Variants in SART1 observed in about 807,000 individuals in gnomAD.
The protein encoded by SART1 is U4/U6.U5 tri-snRNP-associated protein 1.
In SART1, 28 loss-of-function variants were observed where a neutral mutation model predicts 105.0. That is an observed-to-expected ratio of 0.27 (90% CI 0.20 to 0.37). The LOEUF is 0.37. SART1 is among the 10% of genes least tolerant of loss of function. SART1 has a pLI of 1.00. For synonymous variants in SART1, 472 were observed against 462.9 expected (o/e 1.02, Z -0.25); for missense variants, 894 against 1,106.5 (o/e 0.81, Z 2.72).
Position 65,966,383 on chromosome 11 carries a change from G to C in SART1, c.1015G>C (p.Glu339Gln). The C allele has an allele frequency of 6.2e-7, 1 of 1,613,996 alleles. No homozygotes were observed. The highest frequency in any genetic ancestry group is 8.5e-7 in the Non-Finnish European group (1 of 1,180,036). The change falls in exon 9 of 20, where the codon GAA (glutamate) becomes CAA (glutamine). Residue 339 changes from glutamate (E) to glutamine (Q), a missense_variant. Physicochemically the swap from Glu to Gln is conservative, Grantham distance 29. Around this residue, in one of 2 missense-constraint regions of SART1, gnomAD observed 712 missense variants for 778.2 expected, o/e 0.91. Coordinates refer to ENST00000312397, the MANE Select transcript of SART1 (RefSeq NM_005146.5). ...TCGCTCTATCCTGTCCAAGTATGACGAAGAGCTTGAAGGGGAGCGGCCACA... is the reference window on the plus strand; with the variant it reads ...TCGCTCTATCCTGTCCAAGTATGACCAAGAGCTTGAAGGGGAGCGGCCACA... ...KPRSILSKYD[E>Q]ELEGERPHSF...
At chr11:65,964,632 A>G in intron 3 of SART1, 62 bp downstream of exon 3, 2 of 1,541,164 alleles carry the variant, frequency 1.3e-6, no homozygotes, top group Non-Finnish European at 1.8e-6. Flanking sequence ...GTCTTTGAAG[A>G]AGGTGGGGTT....
rs996602988 is a variant in SART1, at chr11:65,976,324, T to G, written c.1573-71T>G. On this transcript the variant is annotated intron_variant, in intron 12 of 19. Coordinates refer to ENST00000312397, the MANE Select transcript of SART1 (RefSeq NM_005146.5). The surrounding 1 kb of genome is among the most constrained non-coding windows in gnomAD (Gnocchi z 5.1). Reference sequence around the variant, plus strand: ...GTCTGGCTGCTGCCAGGGAGGACCCTTAGGTTCCTGGGTCTCAATGGCATC... The same window carrying G: ...GTCTGGCTGCTGCCAGGGAGGACCCGTAGGTTCCTGGGTCTCAATGGCATC... 2 of 1,437,408 alleles carry G rather than the reference T, an allele frequency of 1.4e-6. No homozygotes were observed. Among genetic ancestry groups the G allele is most frequent in the South Asian group, 3.0e-5 (2 of 67,466 alleles). 89.0% of individuals were successfully genotyped at this position (1,437,408 alleles called of 1,614,324 possible).
In SART1 at chr11:65,976,398, G is replaced by A. The variant is rs1182066296; in HGVS notation, c.1576G>A (p.Val526Met). ...CCACAGCCGCTCCCTCCCCCAGGTGGTGGAGATTGTGAAGAAGCTGGAGTC... is the reference window on the plus strand; with the variant it reads ...CCACAGCCGCTCCCTCCCCCAGGTGATGGAGATTGTGAAGAAGCTGGAGTC... ...QQLRDSGEKV[V>M]EIVKKLESRQ... Residue 526 changes from valine (V) to methionine (M), a missense_variant, in exon 13 of 20, where the codon GTG (valine) becomes ATG (methionine). Coordinates refer to ENST00000312397, the MANE Select transcript of SART1 (RefSeq NM_005146.5). The surrounding 1 kb of genome is among the most constrained non-coding windows in gnomAD (Gnocchi z 5.1). The A allele has an allele frequency of 1.9e-6, 3 of 1,542,968 alleles. No homozygotes were observed. In the African/African-American group the frequency reaches 4.1e-5, roughly 21 times the overall value.
chr11:65,976,470 G>A lies in SART1; in HGVS notation c.1648G>A (p.Ala550Thr). 6.4e-7 allele frequency: 1 copy of A among 1,574,352 alleles called. No individual in the cohort carries two copies. Among genetic ancestry groups the A allele is most frequent in the Non-Finnish European group, 8.6e-7 (1 of 1,161,160 alleles). The change falls in exon 13 of 20, where the codon GCC (alanine) becomes ACC (threonine). Residue 550 changes from alanine (A) to threonine (T), a missense_variant. By Grantham distance (58) the Ala-to-Thr change is moderately conservative (BLOSUM62 0). Coordinates refer to ENST00000312397, the MANE Select transcript of SART1 (RefSeq NM_005146.5). The surrounding 1 kb of genome is among the most constrained non-coding windows in gnomAD (Gnocchi z 5.1). ...EEDEDPERKG[A>T]IVFNATSEFC... ...GGATGAGGATCCCGAGCGGAAGGGG[G>A]CCATCGTGTTCAACGCCACGTCCGA...
chr11:65,973,823 G>A (rs1320076472), intron 12 of SART1, among the ~76,000 whole-genome samples: 1 of 152,136 alleles, frequency 6.6e-6, no homozygotes, highest in Non-Finnish European at 1.5e-5. Context: ...TTACTCTCAG[G>A]GGCACAGATT....
chr11:65,976,632 C>T lies in SART1; in HGVS notation c.1747-24C>T, dbSNP rs376528664. On this transcript the variant is annotated intron_variant, in intron 13 of 19. Transcript: ENST00000312397. This position sits in a 1 kb window ranked among gnomAD's most constrained non-coding sequence, Gnocchi z 5.1. The stretch of plus-strand genomic sequence containing the variant: ...TGGGTGGGCTGGCTGGGGCCTGGGC[C>T]GACCCTGGTCTTTTGTGCCCCAGGA... 1.1e-4 allele frequency: 178 copies of T among 1,613,274 alleles called. No homozygotes were observed. Among genetic ancestry groups the T allele is most frequent in the Middle Eastern group, 5.0e-4 (3 of 6,034 alleles).
Position 65,961,892 on chromosome 11 carries a change from C to A in SART1, c.112C>A (p.His38Asn). 1 of 1,563,922 alleles carries A rather than the reference C, an allele frequency of 6.4e-7. No individual in the cohort carries two copies. The highest frequency in any genetic ancestry group is 8.7e-7 in the Non-Finnish European group (1 of 1,154,768). Residue 38 changes from histidine (H) to asparagine (N), a missense_variant, in exon 1 of 20, where the codon CAC (histidine) becomes AAC (asparagine). Transcript: ENST00000312397. Reference protein sequence around the residue: ...QPPRHREHKKHKHRSGGSGGS... With the variant: ...QPPRHREHKKNKHRSGGSGGS... ...GCCGCGGCACCGGGAACACAAAAAA[C>A]ACAAGCACCGGAGTGGCGGCAGTGG... is the stretch of plus-strand genomic sequence containing the variant.
At chr11:65,964,330 C>G in intron 2 of SART1, 185 bp from the exon 3 acceptor site, 2 of 842,312 alleles carry the variant, frequency 2.4e-6, no homozygotes, top group Non-Finnish European at 3.9e-6. Flanking sequence ...TAGACGCAGA[C>G]CAGGCTGGTG....
Position 65,976,308 on chromosome 11 carries a change from C to T in SART1, c.1573-87C>T, listed in dbSNP as rs1151508. 2,162 of 1,390,890 alleles carry T rather than the reference C, an allele frequency of 1.6e-3. 25 individuals carry two copies. The African/African-American group carries it at 0.028, about 18-fold the overall frequency. The allele number at this position is 1,390,890 out of a possible 1,614,324, so 86.2% of individuals were successfully genotyped here. A position where few individuals can be genotyped will look rare whatever the true frequency, so the allele number is the denominator to read the frequency against. On this transcript the variant is annotated intron_variant, in intron 12 of 19. Coordinates refer to ENST00000312397, the MANE Select transcript of SART1 (RefSeq NM_005146.5). This position sits in a 1 kb window ranked among gnomAD's most constrained non-coding sequence, Gnocchi z 5.1. ...GCTGTGGGCGTGGCCTGTCTGGCTG[C>T]TGCCAGGGAGGACCCTTAGGTTCCT... is the stretch of plus-strand genomic sequence containing the variant.
chr11:65,976,458 G>A lies in SART1; in HGVS notation c.1636G>A (p.Glu546Lys), dbSNP rs1455403613. The stretch of plus-strand genomic sequence containing the variant: ...GGGCTGGGAGGAGGATGAGGATCCC[G>A]AGCGGAAGGGGGCCATCGTGTTCAA... Reference protein sequence around the residue: ...QRGWEEDEDPERKGAIVFNAT... With the variant: ...QRGWEEDEDPKRKGAIVFNAT... The change falls in exon 13 of 20, where the codon GAG becomes AAG. Residue 546 changes from glutamate to lysine, a missense_variant. By Grantham distance (56) the Glu-to-Lys change is moderately conservative. Transcript: ENST00000312397. The surrounding 1 kb of genome is among the most constrained non-coding windows in gnomAD (Gnocchi z 5.1). 1.9e-6 allele frequency: 3 copies of A among 1,571,164 alleles called. No individual in the cohort carries two copies. The highest frequency in any genetic ancestry group is 1.9e-5 in the Admixed American group (1 of 53,688).
In SART1 at chr11:65,965,992, G is replaced by A. The variant is rs1415947070; in HGVS notation, c.838+6G>A. On this transcript the variant is annotated splice_donor_region_variant and intron_variant, in intron 7 of 19. Transcript: ENST00000312397. ...TCTTACCCTCAAGGACAAAGGTAAT[G>A]CGAGCTGGGTGCCCTGGGTGGGGGC... The A allele has an allele frequency of 2.5e-6, 4 of 1,614,088 alleles. No individual in the cohort carries two copies. Among genetic ancestry groups the A allele is most frequent in the South Asian group, 1.1e-5 (1 of 91,078 alleles).
chr11:65,973,947 G>A (rs1855431590), intron 12 of SART1, among the ~76,000 whole-genome samples: 1 of 152,132 alleles, frequency 6.6e-6, no homozygotes, highest in African/African-American at 2.4e-5. Flanking sequence ...AAGCCATGAA[G>A]ACAAGCCGGT....
chr11:65,967,670 T>A lies in SART1; in HGVS notation c.1430-9T>A. On this transcript the variant is annotated splice_polypyrimidine_tract_variant and intron_variant, in intron 11 of 19. Coordinates refer to ENST00000312397, the MANE Select transcript of SART1 (RefSeq NM_005146.5). ...TGGTCTGAGCAGGCATCCCCTGTGT[T>A]TCCCCCAGAGGAAGGTGGAGCTCCA... 1.3e-6 allele frequency: 2 copies of A among 1,578,616 alleles called. No individual in the cohort carries two copies. The highest frequency in any genetic ancestry group is 1.7e-6 in the Non-Finnish European group (2 of 1,162,070).
In SART1 at chr11:65,978,148, C is replaced by T. The variant is rs961414038; in HGVS notation, c.2172+249C>T. On this transcript the variant is annotated intron_variant, in intron 17 of 19. Transcript: ENST00000312397. The surrounding 1 kb of genome is among the most constrained non-coding windows in gnomAD (Gnocchi z 6.8). ...AGGAGGGTCAGACAGGCACTCGGGA[C>T]CTCTGCCCTCCTGTCCTCACCTGCG... 25 of 559,624 alleles carry T rather than the reference C, an allele frequency of 4.5e-5. No homozygotes were observed. Among genetic ancestry groups the T allele is most frequent in the Admixed American group, 2.2e-4 (7 of 32,278 alleles). The allele number at this position is 559,624 out of a possible 1,614,324, so 34.7% of individuals were successfully genotyped here. A position where few individuals can be genotyped will look rare whatever the true frequency, so the allele number is the denominator to read the frequency against.
In SART1 at chr11:65,979,679, T is replaced by C. The variant is rs1855552684; in HGVS notation, c.*649T>C. ...GGGGGACATGTGAGCCTCAAATCCA[T>C]AGAAAGACAAACGGCCACCTTGGGT... On this transcript the variant is annotated 3_prime_UTR_variant, in exon 20 of 20. Coordinates refer to ENST00000312397, the MANE Select transcript of SART1 (RefSeq NM_005146.5). 1.3e-5 allele frequency: 2 copies of C among 152,158 alleles called. No homozygotes were observed. Among genetic ancestry groups the C allele is most frequent in the Admixed American group, 6.6e-5 (1 of 15,264 alleles). The allele number at this position is 152,158 out of a possible 1,614,324, so 9.4% of individuals were successfully genotyped here.
Position 65,980,102 on chromosome 11 carries a change from C to T in SART1, c.*1072C>T, listed in dbSNP as rs1416689014. Among the ~76,000 whole-genome samples, 1 of 151,992 alleles carries T rather than the reference C, an allele frequency of 6.6e-6. No individual in the cohort carries two copies. Among genetic ancestry groups the T allele is most frequent in the Middle Eastern group, 3.4e-3 (1 of 294 alleles). ...CACTGCAGCCTAGGTGACAGTCAGA[C>T]CCTGTCTCAAAAAAAATAAAAAAAA... On this transcript the variant is annotated 3_prime_UTR_variant, in exon 20 of 20. Transcript: ENST00000312397.
Position 65,979,145 on chromosome 11 carries a change from G to T in SART1, c.*115G>T, listed in dbSNP as rs1590647667. ...CAGGGTTGGATCTTTGGTTGGGTGT[G>T]GCACAGAGTCTGGCTCCTGCTAGGT... On this transcript the variant is annotated 3_prime_UTR_variant, in exon 20 of 20. Coordinates refer to ENST00000312397, the MANE Select transcript of SART1 (RefSeq NM_005146.5). 7.2e-7 allele frequency: 1 copy of T among 1,382,418 alleles called. No individual in the cohort carries two copies. Among genetic ancestry groups the T allele is most frequent in the East Asian group, 2.4e-5 (1 of 41,046 alleles). The allele number at this position is 1,382,418 out of a possible 1,614,324, so 85.6% of individuals were successfully genotyped here. A position where few individuals can be genotyped will look rare whatever the true frequency, so the allele number is the denominator to read the frequency against.
chr11:65,962,117 GGGGCGGGTC>G, intron 1 of SART1, 24 bp downstream of exon 1: 3 of 1,193,904 alleles, frequency 2.5e-6, no homozygotes, highest in Non-Finnish European at 3.4e-6. Context: ...GCCTGCGCAG[GGGGCGGGTC>G]GGGCGGGGGT....
At chr11:65,964,324 C>A in intron 2 of SART1, 191 bp from the exon 3 acceptor site, 2 of 835,626 alleles carry the variant, frequency 2.4e-6, no homozygotes, top group Non-Finnish European at 4.0e-6. Flanking sequence ...ACTGGTTAGA[C>A]GCAGACCAGG....
Sources: allele counts gnomAD v4.1 joint callset (sites outside exome capture counted in the v4.1 genomes callset), GRCh38; gene constraint gnomAD v4.1.1; regional missense constraint gnomAD v4.1.1; non-coding constraint Gnocchi (gnomAD v3.1); transcripts MANE v1.5; gene names NCBI Gene and HGNC (gene_info 2026-07-23, HGNC 2026-07-21).